NFRKB: variants seen among roughly 807,000 people sequenced by gnomAD.
NFRKB encodes nuclear factor related to kappa-B-binding protein.
Under a neutral mutation model 135.7 loss-of-function variants are expected in NFRKB, and 62 were observed. That is an observed-to-expected ratio of 0.46 (90% CI 0.37 to 0.56). The LOEUF is 0.56. Among genes scored for constraint, NFRKB ranks in the 20% least tolerant of loss-of-function variants. NFRKB has a pLI of 0.00. For missense variants in NFRKB, 1,545 were observed against 1,662.0 expected (o/e 0.93, Z 1.22); for synonymous variants, 678 against 635.6 (o/e 1.07, Z -1.00).
rs1948633895 is a variant in NFRKB at position 129,873,857 on chromosome 11, A to C, written c.2438T>G (p.Leu813Arg). ...TCCCGACTGCTGGGGAACAGCAGGAAGGCTAGGCTGGGCCACCACTCGCAC... is the reference window on the plus strand; with the variant it reads ...TCCCGACTGCTGGGGAACAGCAGGACGGCTAGGCTGGGCCACCACTCGCAC... The part of the protein sequence containing the change: ...SQVRVVAQPS[L>R]PAVPQQSGGP... The change falls in exon 22 of 27, where the codon CTT becomes CGT. Residue 813 changes from leucine to arginine, a missense_variant. By Grantham distance (102) the Leu-to-Arg change is moderately radical. Around this residue, in one of 3 missense-constraint regions of NFRKB, gnomAD observed 753 missense variants for 804.3 expected, o/e 0.94. Transcript: ENST00000682444. 6.2e-7 allele frequency: 1 copy of C among 1,614,056 alleles called. No individual in the cohort carries two copies. Among genetic ancestry groups the C allele is most frequent in the Admixed American group, 1.7e-5 (1 of 59,996 alleles).
Position 129,877,384 on chromosome 11 carries a change from T to C in NFRKB, c.1513A>G (p.Arg505Gly). 3 of 1,614,180 alleles carry C rather than the reference T, an allele frequency of 1.9e-6. No homozygotes were observed. Among genetic ancestry groups the C allele is most frequent in the Non-Finnish European group, 8.5e-7 (1 of 1,180,024 alleles). Residue 505 changes from arginine to glycine, a missense_variant and splice_region_variant, in exon 16 of 27, where the codon AGA becomes GGA. Coordinates refer to ENST00000682444, the MANE Select transcript of NFRKB (RefSeq NM_001143835.2). ...SDATTPVPRVRTDYVVRPSTG... is the reference protein window; with the variant it reads ...SDATTPVPRVGTDYVVRPSTG... Reference sequence around the variant, plus strand: ...CTGGGACGCACCACATAGTCAGTTCTTCTGGAATATAAAGAATTCTGTATC... The same window carrying C: ...CTGGGACGCACCACATAGTCAGTTCCTCTGGAATATAAAGAATTCTGTATC...
At chr11:129,892,023 T>C (rs1166865579) in intron 3 of NFRKB, among the ~76,000 whole-genome samples, 2 of 151,694 alleles carry the variant, frequency 1.3e-5, no homozygotes, top group East Asian at 3.8e-4. Flanking sequence ...TCTTCATATT[T>C]GTTTTCCATA....
chr11:129,891,699 C>T (rs1483943425), intron 3 of NFRKB, among the ~76,000 whole-genome samples: 2 of 152,206 alleles, frequency 1.3e-5, no homozygotes, highest in African/African-American at 2.4e-5. Flanking sequence ...CTCTTAGTGA[C>T]TGCATTTTTA....
chr11:129,884,047 G>A, intron 8 of NFRKB, 23 bp downstream of exon 8: 1 of 1,613,540 alleles, frequency 6.2e-7, no homozygotes, highest in Non-Finnish European at 8.5e-7. Context: ...AAACCACACG[G>A]CCGCACGCCC....
intron 22 of NFRKB, 49 bp downstream of exon 22, chr11:129,873,696 C>T (rs1266820797): frequency 1.3e-6 from 2 of 1,593,718 alleles, no homozygotes; most frequent in Non-Finnish European, 8.6e-7. Context: ...ATCAGCCCAC[C>T]TCTGGGTCTG....
chr11:129,890,671 A>G (rs2135676594), intron 3 of NFRKB, among the ~76,000 whole-genome samples: 1 of 152,370 alleles, frequency 6.6e-6, no homozygotes, highest in African/African-American at 2.4e-5. Context: ...ATATAATTAA[A>G]TGAATGTTTT....
At chr11:129,880,923 TTC>T (rs1948997923) in intron 13 of NFRKB, among the ~76,000 whole-genome samples, 1 of 152,210 alleles carries the variant, frequency 6.6e-6, no homozygotes, top group African/African-American at 2.4e-5. Flanking sequence ...AACACTGGAT[TTC>T]TCTCTTTTCA....
intron 3 of NFRKB, among the ~76,000 whole-genome samples, chr11:129,891,435 A>G (rs185483529): frequency 3.2e-4 from 49 of 152,306 alleles, no homozygotes; most frequent in African/African-American, 1.2e-3. Flanking sequence ...CTGAACATAA[A>G]TAATGATCAG....
At chr11:129,881,371 G>C in intron 13 of NFRKB, 72 bp downstream of exon 13, 1 of 1,471,742 alleles carries the variant, frequency 6.8e-7, no homozygotes, top group Non-Finnish European at 9.5e-7. Flanking sequence ...ATATTGACTG[G>C]AAGGCAAATA....
intron 15 of NFRKB, 125 bp from the exon 16 acceptor site, chr11:129,877,510 A>T (rs1948823131): frequency 2.2e-6 from 2 of 894,796 alleles, no homozygotes; most frequent in South Asian, 2.9e-5. Flanking sequence ...CTCAATTCTT[A>T]CAAAGGCGAA....
chr11:129,880,329 C>A (rs1948969292), intron 13 of NFRKB, among the ~76,000 whole-genome samples: 1 of 152,366 alleles, frequency 6.6e-6, no homozygotes, highest in East Asian at 1.9e-4. Flanking sequence ...CCATGCCTCA[C>A]ACCATTCTCC....
chr11:129,876,662 T>C, intron 17 of NFRKB, 59 bp downstream of exon 17: 1 of 1,355,952 alleles, frequency 7.4e-7, no homozygotes, highest in Non-Finnish European at 1.0e-6. Flanking sequence ...TCAGAGTTGG[T>C]AAGAGAAAAG....
intron 13 of NFRKB, among the ~76,000 whole-genome samples, chr11:129,879,892 T>G (rs932831931): frequency 6.6e-6 from 1 of 152,168 alleles, no homozygotes; most frequent in Admixed American, 6.6e-5. Context: ...AATGCAGCTC[T>G]AAAACTAAAG....
chr11:129,868,616 T>A (rs543450027), intron 24 of NFRKB, among the ~76,000 whole-genome samples: 183 of 152,332 alleles, frequency 1.2e-3, no homozygotes, highest in African/African-American at 4.0e-3. Flanking sequence ...CGCCACTGCC[T>A]GGCTAACAGT....
rs1299280761 is a variant in NFRKB, at chr11:129,884,776, G to T, written c.711C>A (p.Pro237=). ...TTTTCATATCCGTGGTTGAAAGTGT[G>T]GGCACCACCCGCAGGGGCACCGCAG... is the stretch of plus-strand genomic sequence containing the variant. ...PSPAVPLRVV[P]TLSTTDMKTA... The change falls in exon 7 of 27, where the codon CCC becomes CCA. Residue 237 remains proline, a synonymous_variant. Transcript: ENST00000682444. The T allele has an allele frequency of 6.2e-7, 1 of 1,614,030 alleles. No individual in the cohort carries two copies. The highest frequency in any genetic ancestry group is 8.5e-7 in the Non-Finnish European group (1 of 1,179,944).
chr11:129,882,005 C>T, intron 11 of NFRKB, 81 bp downstream of exon 11: 1 of 1,456,512 alleles, frequency 6.9e-7, no homozygotes, highest in South Asian at 1.4e-5. Context: ...ACTCAGAGTT[C>T]CACTTCTCAA....
rs772320086 is a variant in NFRKB, at chr11:129,872,881, T to C, written c.2763+3A>G. ...AGATCCACGTGGAAAGAGCCCCACC[T>C]ACCTGCTTGATGATGTTCTGTCCTG... On this transcript the variant is annotated splice_donor_region_variant and intron_variant, in intron 23 of 26. Transcript: ENST00000682444. 5.0e-6 allele frequency: 8 copies of C among 1,592,088 alleles called. No homozygotes were observed. Among genetic ancestry groups the C allele is most frequent in the Non-Finnish European group, 6.9e-6 (8 of 1,164,058 alleles).
In NFRKB at chr11:129,864,466, A is replaced by G; in HGVS notation, c.*259T>C. The G allele has an allele frequency of 2.4e-6, 1 of 420,156 alleles. No individual in the cohort carries two copies. The highest frequency in any genetic ancestry group is 4.4e-6 in the Non-Finnish European group (1 of 229,834). The allele number at this position is 420,156 out of a possible 1,614,324, so 26.0% of individuals were successfully genotyped here. Reference sequence around the variant, plus strand: ...TCTGGCTTGTTGGACGTAACTGGTAATTCCTGCAATTTCAACAGAATATTC... The same window carrying G: ...TCTGGCTTGTTGGACGTAACTGGTAGTTCCTGCAATTTCAACAGAATATTC... On this transcript the variant is annotated 3_prime_UTR_variant, in exon 27 of 27. Transcript: ENST00000682444.
chr11:129,882,392 C>G (rs1039339341), intron 10 of NFRKB, 59 bp downstream of exon 10: 22 of 1,567,800 alleles, frequency 1.4e-5, no homozygotes, highest in Non-Finnish European at 1.9e-5. Context: ...GGGGCCAGGG[C>G]ACAGCCTATG....
Sources: allele counts gnomAD v4.1 joint callset (sites outside exome capture counted in the v4.1 genomes callset), GRCh38; gene constraint gnomAD v4.1.1; regional missense constraint gnomAD v4.1.1; transcripts MANE v1.5; gene names NCBI Gene and HGNC (gene_info 2026-07-23, HGNC 2026-07-21).